FMN2: variants seen among roughly 807,000 people sequenced by gnomAD.
FMN2 encodes the protein formin-2.
FMN2 carries 51 observed loss-of-function variants against 142.3 expected under a neutral mutation model. The ratio of observed to expected loss-of-function variants is 0.36; its 90% CI spans 0.29 to 0.45. The LOEUF is 0.45. FMN2 is among the 20% of genes least tolerant of loss of function. FMN2 has a pLI of 1.00. For missense variants in FMN2, 1,936 were observed against 2,122.8 expected (o/e 0.91, Z 1.73); for synonymous variants, 882 against 869.8 (o/e 1.01, Z -0.25).
At chr1:240,267,098 G>A (rs1398277359) in intron 7 of FMN2, among the ~76,000 whole-genome samples, 7 of 152,078 alleles carry the variant, frequency 4.6e-5, no homozygotes, top group African/African-American at 7.2e-5. Flanking sequence ...TTGACAAGTG[G>A]AACCTAATTA....
Position 240,092,379 on chromosome 1 carries a change from C to T in FMN2, c.270C>T (p.Ala90=), listed in dbSNP as rs1278261031. Residue 90 remains alanine, a synonymous_variant, in exon 1 of 18, where the codon GCC becomes GCT. Transcript: ENST00000319653. The part of the protein sequence containing the change: ...IRKNLSKGKG[A]GGSREDVLDS... ...AGAATCTGTCCAAGGGGAAAGGCGC[C>T]GGCGGCTCCCGCGAAGATGTACTGG... 6 of 1,612,374 alleles carry T rather than the reference C, an allele frequency of 3.7e-6. No individual in the cohort carries two copies. The highest frequency in any genetic ancestry group is 2.2e-5 in the East Asian group (1 of 44,828).
chr1:240,456,338 A>G (rs1198851167), intron 16 of FMN2, among the ~76,000 whole-genome samples: 1 of 152,226 alleles, frequency 6.6e-6, no homozygotes, highest in Admixed American at 6.5e-5. Context: ...GAGTGTTCAT[A>G]TACTTACAGA....
chr1:240,126,404 C>G (rs1662511611), intron 2 of FMN2, among the ~76,000 whole-genome samples: 1 of 148,102 alleles, frequency 6.8e-6, no homozygotes, highest in East Asian at 2.0e-4. Context: ...GGGTTCCTCT[C>G]CCCCACCTCC....
At chr1:240,206,490 A>G (rs1025078608) in intron 4 of FMN2, among the ~76,000 whole-genome samples, 13 of 152,060 alleles carry the variant, frequency 8.5e-5, no homozygotes, top group African/African-American at 2.9e-4. Context: ...AAAGAAGGCT[A>G]TCTTAGAAAT....
chr1:240,282,913 T>C (rs985281270), intron 7 of FMN2, among the ~76,000 whole-genome samples: 1 of 152,178 alleles, frequency 6.6e-6, no homozygotes, highest in Non-Finnish European at 1.5e-5. Context: ...TTATGTAATA[T>C]ACATTTTGGA....
At chr1:240,326,046 G>A (rs1010603766) in intron 8 of FMN2, among the ~76,000 whole-genome samples, 4 of 152,174 alleles carry the variant, frequency 2.6e-5, no homozygotes, top group African/African-American at 7.2e-5. Flanking sequence ...AGAAGTAATA[G>A]TTCAGTATAT....
intron 14 of FMN2, among the ~76,000 whole-genome samples, chr1:240,388,319 A>C (rs978576957): frequency 6.6e-6 from 1 of 151,380 alleles, no homozygotes; most frequent in African/African-American, 2.4e-5. Flanking sequence ...AAGTTATTAC[A>C]TCAAAGAAGC....
rs188737997 is a variant in FMN2, at chr1:240,444,185, C to T, written c.5060+5975C>T. 1.6e-4 allele frequency among the ~76,000 whole-genome samples: 25 copies of T among 152,262 alleles called. No homozygotes were observed. The East Asian group carries it at 4.8e-3, about 29-fold the overall frequency. On this transcript the variant is annotated intron_variant, in intron 16 of 17. Coordinates refer to ENST00000319653, the MANE Select transcript of FMN2 (RefSeq NM_020066.5). ...ATTATTCACTCATTCCATATGGAGT[C>T]GTACTGGACACTGAGACGTTCAAGT...
intron 8 of FMN2, among the ~76,000 whole-genome samples, chr1:240,327,471 G>A (rs72766271): frequency 0.14 from 21,513 of 152,024 alleles, 1,937 homozygotes; most frequent in African/African-American, 0.25. Flanking sequence ...AGCAGTTCTC[G>A]GCTGAGCTGC....
At chr1:240,125,128 A>G (rs1256270578) in intron 2 of FMN2, among the ~76,000 whole-genome samples, 2 of 152,244 alleles carry the variant, frequency 1.3e-5, no homozygotes, top group African/African-American at 2.4e-5. Flanking sequence ...TAAAGTGTCT[A>G]TATCTGCCTG....
chr1:240,413,089 C>G (rs9726549), intron 15 of FMN2, among the ~76,000 whole-genome samples: 1 of 119,490 alleles, frequency 8.4e-6, no homozygotes, highest in Non-Finnish European at 1.6e-5. Context: ...TGCCACTGCA[C>G]TCCAGCCTGG....
At chr1:240,421,501 A>AT (rs1328873180) in intron 15 of FMN2, among the ~76,000 whole-genome samples, 3 of 151,818 alleles carry the variant, frequency 2.0e-5, no homozygotes, top group Admixed American at 1.3e-4. Context: ...GTTTATGTTC[A>AT]TTTTTTCTTA....
intron 15 of FMN2, among the ~76,000 whole-genome samples, chr1:240,400,407 A>G (rs1296012797): frequency 2.6e-5 from 4 of 152,234 alleles, no homozygotes; most frequent in Non-Finnish European, 4.4e-5. Context: ...AGGCTAAAAA[A>G]TAAAATCACC....
intron 4 of FMN2, among the ~76,000 whole-genome samples, chr1:240,191,510 A>G (rs1302905407): frequency 1.3e-5 from 2 of 152,246 alleles, no homozygotes; most frequent in African/African-American, 2.4e-5. Context: ...TTCAAGTAAT[A>G]TGCTCTGAAA....
At chr1:240,131,669 A>T (rs1331541268) in intron 2 of FMN2, among the ~76,000 whole-genome samples, 1 of 151,990 alleles carries the variant, frequency 6.6e-6, no homozygotes, top group Non-Finnish European at 1.5e-5. Flanking sequence ...AGATCGCACT[A>T]TTGCACTCCA....
At chr1:240,448,386 G>C (rs986080123) in intron 16 of FMN2, among the ~76,000 whole-genome samples, 1 of 152,144 alleles carries the variant, frequency 6.6e-6, no homozygotes, top group African/African-American at 2.4e-5. Flanking sequence ...ATGTGTGTGT[G>C]TATGTGTTTT....
chr1:240,159,530 T>G (rs1664172686), intron 2 of FMN2, among the ~76,000 whole-genome samples: 1 of 152,118 alleles, frequency 6.6e-6, no homozygotes, highest in Non-Finnish European at 1.5e-5. Context: ...ATTACTTTGT[T>G]CTTGCTGTGT....
intron 14 of FMN2, among the ~76,000 whole-genome samples, chr1:240,388,227 C>CAAAAA (rs761610582): frequency 8.3e-4 from 5 of 6,056 alleles, no homozygotes; most frequent in African/African-American, 3.3e-3. Flanking sequence ...GTGCTCAAAG[C>CAAAAA]AAAAAAAAAA....
chr1:240,130,782 ATATTTTT>A (rs1190000479), intron 2 of FMN2, among the ~76,000 whole-genome samples: 7 of 152,180 alleles, frequency 4.6e-5, no homozygotes, highest in African/African-American at 1.7e-4. Flanking sequence ...TGTATTCTCA[ATATTTTT>A]TATTTTTCAG....
Sources: allele counts gnomAD v4.1 joint callset (sites outside exome capture counted in the v4.1 genomes callset), GRCh38; gene constraint gnomAD v4.1.1; transcripts MANE v1.5; gene names NCBI Gene and HGNC (gene_info 2026-07-23, HGNC 2026-07-21).